The following HNRNPL variants were observed in gnomAD, a reference collection of about 807,000 sequenced individuals.
HNRNPL encodes the protein heterogeneous nuclear ribonucleoprotein L.
A neutral mutation model predicts 64.0 loss-of-function variants in HNRNPL; 12 were observed. The ratio of observed to expected loss-of-function variants is 0.19; its 90% CI spans 0.12 to 0.30. HNRNPL has a LOEUF of 0.30. HNRNPL is among the 10% of genes least tolerant of loss of function. The pLI, the probability that HNRNPL is intolerant of heterozygous loss-of-function variation, is 1.00. For synonymous variants in HNRNPL, 385 were observed against 313.0 expected, an observed-to-expected ratio of 1.23 and a Z score of -2.43; for missense variants, 484 against 797.4, an observed-to-expected ratio of 0.61 and a Z score of 4.73.
chr19:38,843,663 C>T (rs1972188041), intron 6 of HNRNPL, 179 bp downstream of exon 6: 4 of 612,384 alleles, frequency 6.5e-6, no homozygotes, highest in Non-Finnish European at 1.2e-5. Context: ...GCAGTGAAGA[C>T]CCATGGAGGC....
chr19:38,837,723 G>A, intron 10 of HNRNPL, 72 bp from the exon 11 acceptor site: 4 of 1,335,140 alleles, frequency 3.0e-6, no homozygotes, highest in Non-Finnish European at 4.3e-6. Context: ...AGCAGACCAG[G>A]CCCTGCATGA....
At chr19:38,848,847 A>G (rs1383252763) in intron 1 of HNRNPL, among the ~76,000 whole-genome samples, 3 of 152,238 alleles carry the variant, frequency 2.0e-5, no homozygotes, top group Non-Finnish European at 4.4e-5. Context: ...TGTGTGGGAC[A>G]AGGCCAAGAT....
chr19:38,852,030 G>A (rs1205640735), upstream of HNRNPL, among the ~76,000 whole-genome samples: 6 of 151,546 alleles, frequency 4.0e-5, no homozygotes, highest in African/African-American at 9.7e-5. Flanking sequence ...TGGGGGGAGG[G>A]GGAGAGAGAG....
At position 38,844,120 on chromosome 19, in the gene HNRNPL, GA is replaced by G. The variant is rs1277847410; in HGVS notation, c.711-17del. On this transcript the variant is annotated splice_polypyrimidine_tract_variant and intron_variant, in intron 4 of 12. Coordinates refer to ENST00000221419, the MANE Select transcript of HNRNPL (RefSeq NM_001533.3). ...TGAGTCAAATGTGAGTCAAGTTAAG[GA>G]AAGTCCCATCACAGGAGATCTTTGA... 2.6e-6 allele frequency: 4 copies of G among 1,563,354 alleles called. No homozygotes were observed. The East Asian group carries it at 9.0e-5, about 35-fold the overall frequency.
At chr19:38,847,191 G>T in intron 2 of HNRNPL, 125 bp downstream of exon 2, 1 of 514,368 alleles carries the variant, frequency 1.9e-6, no homozygotes, top group Non-Finnish European at 3.5e-6. Flanking sequence ...CCCAAAAGCA[G>T]AGCGGCCACA....
rs1333497148 is a variant in HNRNPL, at chr19:38,846,069, T to C, written c.408A>G (p.Lys136=). 3 of 1,613,748 alleles carry C rather than the reference T, an allele frequency of 1.9e-6. No homozygotes were observed. The highest frequency in any genetic ancestry group is 2.5e-6 in the Non-Finnish European group (3 of 1,179,726). The part of the protein sequence containing the change: ...GPISYVVVMP[K]KRQALVEFED... ...CAAACTCCACCAGTGCTTGTCTCTT[T>C]TTAGGCATTACCACCACATAGCTGG... The change falls in exon 3 of 13, where the codon AAA becomes AAG. Residue 136 remains lysine, a synonymous_variant. Transcript: ENST00000221419.
In HNRNPL at chr19:38,837,245, C is replaced by G. The variant is rs1055078986; in HGVS notation, c.1711+139G>C. The G allele has an allele frequency of 8.9e-6, 6 of 673,558 alleles. No homozygotes were observed. The African/African-American group carries it at 8.9e-5, about 10-fold the overall frequency. The allele number at this position is 673,558 out of a possible 1,614,324, so 41.7% of individuals were successfully genotyped here. ...GAGCACAGGCTGCTCTCCTGATGAG[C>G]AGGTCCCACCTGCCTGTGTCACCAA... On this transcript the variant is annotated intron_variant, in intron 12 of 12. Transcript: ENST00000221419.
chr19:38,850,596 G>C (rs968889901), upstream of HNRNPL, among the ~76,000 whole-genome samples: 2 of 152,240 alleles, frequency 1.3e-5, no homozygotes, highest in African/African-American at 4.8e-5. Flanking sequence ...ACGAGCGAAG[G>C]CGAGAACGCA....
At chr19:38,849,664 T>C in intron 1 of HNRNPL, 36 bp downstream of exon 1, 1 of 1,305,072 alleles carries the variant, frequency 7.7e-7, no homozygotes, top group Non-Finnish European at 9.7e-7. Context: ...GTCCCCCAGT[T>C]CCCGGCCTTC....
rs1179833591 is a variant in HNRNPL, at chr19:38,836,542, C to T, written c.*180G>A. 2.4e-5 allele frequency: 11 copies of T among 461,134 alleles called. No homozygotes were observed. Among genetic ancestry groups the T allele is most frequent in the Admixed American group, 1.9e-4 (5 of 26,532 alleles). The allele number at this position is 461,134 out of a possible 1,614,324, so 28.6% of individuals were successfully genotyped here. A position where few individuals can be genotyped will look rare whatever the true frequency, so the allele number is the denominator to read the frequency against. On this transcript the variant is annotated 3_prime_UTR_variant, in exon 13 of 13. Coordinates refer to ENST00000221419, the MANE Select transcript of HNRNPL (RefSeq NM_001533.3). ...GATAACAGTTCCCCTCTCCCTCCCC[C>T]TGCAGATTTCCAGCGTTTCCATTAA...
chr19:38,850,114 C>T (rs1972462305), upstream of HNRNPL: 2 of 585,144 alleles, frequency 3.4e-6, no homozygotes, highest in East Asian at 3.5e-5. Context: ...TGGACATTGC[C>T]CACGCCGTTC....
intron 6 of HNRNPL, 36 bp downstream of exon 6, chr19:38,843,806 C>A: frequency 1.3e-6 from 2 of 1,550,720 alleles, no homozygotes; most frequent in Non-Finnish European, 8.9e-7. Flanking sequence ...GAAAGCAAGG[C>A]GGGTATGTTT....
At chr19:38,837,344 G>T in intron 12 of HNRNPL, 40 bp downstream of exon 12, 1 of 1,521,204 alleles carries the variant, frequency 6.6e-7, no homozygotes, top group South Asian at 1.1e-5. Context: ...CAACCCATTA[G>T]GTCACCAGGT....
intron 4 of HNRNPL, 176 bp downstream of exon 4, chr19:38,845,474 C>G (rs974396898): frequency 1.6e-6 from 1 of 625,918 alleles, no homozygotes; most frequent in Admixed American, 2.7e-5. Flanking sequence ...CACGTCCACA[C>G]GATATGCCTG....
intron 4 of HNRNPL, among the ~76,000 whole-genome samples, chr19:38,844,384 C>T (rs930110427): frequency 1.7e-4 from 26 of 152,288 alleles, no homozygotes; most frequent in African/African-American, 5.5e-4. Flanking sequence ...CCACTTTCTC[C>T]GTCTCAGCCC....
At chr19:38,836,890 T>C (rs1600042384) in intron 12 of HNRNPL, 110 bp from the exon 13 acceptor site, 1 of 729,656 alleles carries the variant, frequency 1.4e-6, no homozygotes, top group Non-Finnish European at 2.4e-6. Flanking sequence ...ACGGCAGGGG[T>C]CTAAGGAGTG....
chr19:38,847,479 G>A (rs751084823), intron 1 of HNRNPL, 45 bp from the exon 2 acceptor site: 3 of 1,249,094 alleles, frequency 2.4e-6, no homozygotes, highest in South Asian at 1.6e-5. Context: ...TGCTGTACAA[G>A]ATGACGCCCC....
intron 2 of HNRNPL, among the ~76,000 whole-genome samples, chr19:38,846,951 G>C (rs150432009): frequency 1.3e-5 from 2 of 151,872 alleles, no homozygotes; most frequent in Non-Finnish European, 2.9e-5. Context: ...AAAATTAGCC[G>C]GGCATGGTGG....
At chr19:38,841,848 G>A (rs1259807745) in intron 6 of HNRNPL, 2 of 383,794 alleles carry the variant, frequency 5.2e-6, no homozygotes, top group Non-Finnish European at 5.1e-6. Flanking sequence ...GGTGTATGAA[G>A]TGGGTAGTGT....
Sources: gnomAD v4.1 joint callset for allele counts (sites outside exome capture counted in the v4.1 genomes callset) on GRCh38, gnomAD v4.1.1 for gene constraint, MANE v1.5 for transcripts, NCBI Gene and HGNC (gene_info 2026-07-23, HGNC 2026-07-21) for gene names.